The following FOXJ3 variants were observed in gnomAD, a reference collection of about 807,000 sequenced individuals.
The protein encoded by FOXJ3 is forkhead box J3, also known as forkhead box protein J3.
In FOXJ3, 22 loss-of-function variants were observed where a neutral mutation model predicts 76.1. The ratio of observed to expected loss-of-function variants is 0.29; its 90% CI spans 0.21 to 0.41. The LOEUF is 0.41. FOXJ3 is among the 10% of genes least tolerant of loss of function. The probability of loss-of-function intolerance (pLI) is 1.00; values close to 1 mark genes in which losing one functional copy is unlikely to be tolerated. For missense variants in FOXJ3, 613 were observed against 762.1 expected, an observed-to-expected ratio of 0.80 and a Z score of 2.30; for synonymous variants, 269 against 261.2, an observed-to-expected ratio of 1.03 and a Z score of -0.29.
At chr1:42,192,729 T>C (rs1172637104) in intron 8 of FOXJ3, among the ~76,000 whole-genome samples, 1 of 151,834 alleles carries the variant, frequency 6.6e-6, no homozygotes, top group East Asian at 1.9e-4. Context: ...TGCAATGTTA[T>C]GCTGAACCAA....
chr1:42,252,319 C>G (rs1250952229), intron 4 of FOXJ3, among the ~76,000 whole-genome samples: 1 of 152,176 alleles, frequency 6.6e-6, no homozygotes, highest in Non-Finnish European at 1.5e-5. Flanking sequence ...TTGGTCTATT[C>G]AGAGATTCAA....
intron 2 of FOXJ3, among the ~76,000 whole-genome samples, chr1:42,305,351 A>G (rs1654393311): frequency 6.6e-6 from 1 of 152,212 alleles, no homozygotes; most frequent in Non-Finnish European, 1.5e-5. Flanking sequence ...GTTCCTCAAA[A>G]AAAACTAAAA....
intron 5 of FOXJ3, among the ~76,000 whole-genome samples, chr1:42,210,948 T>C (rs1569878279): frequency 6.6e-6 from 1 of 151,104 alleles, no homozygotes; most frequent in African/African-American, 2.4e-5. Context: ...GGGCGGGGAG[T>C]GTACATCATT....
At chr1:42,319,607 G>A (rs188604681) in intron 1 of FOXJ3, among the ~76,000 whole-genome samples, 310 of 152,250 alleles carry the variant, frequency 2.0e-3, no homozygotes, top group Non-Finnish European at 3.3e-3. Context: ...GCACAATCCT[G>A]TGAATATACT....
At chr1:42,201,333 G>T (rs559381815) in intron 6 of FOXJ3, among the ~76,000 whole-genome samples, 4 of 152,298 alleles carry the variant, frequency 2.6e-5, no homozygotes, top group African/African-American at 9.6e-5. Context: ...CAAAGAGAAA[G>T]TTTTCAGTAT....
Position 42,303,079 on chromosome 1 carries a change from C to T in FOXJ3, c.44+7971G>A, listed in dbSNP as rs1039329729. On this transcript the variant is annotated intron_variant, in intron 2 of 12. Transcript: ENST00000361346. Reference sequence around the variant, plus strand: ...TTTTACTTATTTTTTATAGTACCCTCAATTAAGAAGAATATTGTTTGGCAG... The same window carrying T: ...TTTTACTTATTTTTTATAGTACCCTTAATTAAGAAGAATATTGTTTGGCAG... Among the ~76,000 whole-genome samples the T allele has an allele frequency of 2.6e-5, 4 of 151,940 alleles. 1 individual carries two copies. Among genetic ancestry groups the T allele is most frequent in the Admixed American group, 6.6e-5 (1 of 15,246 alleles).
chr1:42,321,327 T>A (rs1035014445), intron 1 of FOXJ3, among the ~76,000 whole-genome samples: 1 of 152,110 alleles, frequency 6.6e-6, no homozygotes, highest in African/African-American at 2.4e-5. Flanking sequence ...AAAAATAATG[T>A]CTAAACACAA....
chr1:42,300,218 A>C (rs1184949099), intron 2 of FOXJ3, among the ~76,000 whole-genome samples: 1 of 152,168 alleles, frequency 6.6e-6, no homozygotes, highest in Non-Finnish European at 1.5e-5. Flanking sequence ...ATAGAGACAG[A>C]GATATAGATA....
Position 42,250,798 on chromosome 1 carries a change from CAAAAAAAAA to C in FOXJ3, c.444+14308_444+14316del, listed in dbSNP as rs61431089. Among the ~76,000 whole-genome samples, 13 of 23,788 alleles carry C rather than the reference CAAAAAAAAA, an allele frequency of 5.5e-4. No homozygotes were observed. The East Asian group carries it at 7.0e-3, about 13-fold the overall frequency. 15.6% of individuals were successfully genotyped at this position (23,788 alleles called of 152,430 possible). A position where few individuals can be genotyped will look rare whatever the true frequency, so the allele number is the denominator to read the frequency against. On this transcript the variant is annotated intron_variant, in intron 4 of 12. Coordinates refer to ENST00000361346, the MANE Select transcript of FOXJ3 (RefSeq NM_014947.5). ...GAGCAACAAGGACAAAACTCCATCT[CAAAAAAAAA>C]AAAAAAAAAAAAAGTCCAGTAATTG... is the stretch of plus-strand genomic sequence containing the variant.
intron 4 of FOXJ3, among the ~76,000 whole-genome samples, chr1:42,241,788 A>G (rs1186014158): frequency 6.6e-6 from 1 of 152,214 alleles, no homozygotes; most frequent in African/African-American, 2.4e-5. Context: ...ACTGTCGGCA[A>G]CCAGCCAAGC....
intron 2 of FOXJ3, 77 bp downstream of exon 2, chr1:42,310,973 C>G (rs1160923080): frequency 1.2e-6 from 1 of 815,122 alleles, no homozygotes; most frequent in East Asian, 2.8e-5. Context: ...CCTTCAAATT[C>G]ATTGTAATAT....
At chr1:42,201,034 G>C (rs895425404) in intron 6 of FOXJ3, among the ~76,000 whole-genome samples, 2 of 151,880 alleles carry the variant, frequency 1.3e-5, no homozygotes, top group South Asian at 4.2e-4. Flanking sequence ...TTTAAGCCAA[G>C]GTATTTGATG....
At chr1:42,282,218 G>T (rs960808866) in intron 2 of FOXJ3, among the ~76,000 whole-genome samples, 8 of 152,040 alleles carry the variant, frequency 5.3e-5, no homozygotes, top group Non-Finnish European at 1.5e-5. Context: ...GAAATGTCAG[G>T]CCCTCATTAC....
At chr1:42,213,318 C>A (rs1169941145) in intron 5 of FOXJ3, among the ~76,000 whole-genome samples, 3 of 152,010 alleles carry the variant, frequency 2.0e-5, no homozygotes, top group African/African-American at 7.3e-5. Context: ...AACCAAGTAT[C>A]TGCTGTCTTC....
In FOXJ3 at chr1:42,248,741, T is replaced by C. The variant is rs866247063; in HGVS notation, c.444+16374A>G. ...GTCTCCTGTTTTTTCTTTTTTTTTTTTTTTTTTTTTTTTTTAAGTTCCAGG... is the reference window on the plus strand; with the variant it reads ...GTCTCCTGTTTTTTCTTTTTTTTTTCTTTTTTTTTTTTTTTAAGTTCCAGG... On this transcript the variant is annotated intron_variant, in intron 4 of 12. Coordinates refer to ENST00000361346, the MANE Select transcript of FOXJ3 (RefSeq NM_014947.5). Among the ~76,000 whole-genome samples, 17 of 147,134 alleles carry C rather than the reference T, an allele frequency of 1.2e-4. 1 individual carries two copies. Among genetic ancestry groups the C allele is most frequent in the African/African-American group, 3.8e-4 (15 of 39,978 alleles).
At chr1:42,256,112 A>C (rs890241397) in intron 4 of FOXJ3, among the ~76,000 whole-genome samples, 46 of 152,380 alleles carry the variant, frequency 3.0e-4, no homozygotes, top group African/African-American at 1.1e-3. Flanking sequence ...AGCAATTTGC[A>C]ATGGGCCTAA....
At chr1:42,308,782 TTC>T (rs1654620676) in intron 2 of FOXJ3, among the ~76,000 whole-genome samples, 1 of 152,136 alleles carries the variant, frequency 6.6e-6, no homozygotes, top group South Asian at 2.1e-4. Flanking sequence ...ACGTTACCTC[TTC>T]TCTTTCATCA....
chr1:42,267,141 C>A (rs1433713242), intron 3 of FOXJ3, among the ~76,000 whole-genome samples: 1 of 152,052 alleles, frequency 6.6e-6, no homozygotes, highest in Non-Finnish European at 1.5e-5. Flanking sequence ...AAACAGCCCA[C>A]CCTAAGTTCG....
chr1:42,186,352 C>T (rs1557617986), intron 11 of FOXJ3, among the ~76,000 whole-genome samples: 3 of 152,112 alleles, frequency 2.0e-5, no homozygotes, highest in African/African-American at 4.8e-5. Flanking sequence ...AACAGCTTGG[C>T]AGGCATGAGT....
Sources: allele counts gnomAD v4.1 joint callset (sites outside exome capture counted in the v4.1 genomes callset), GRCh38; gene constraint gnomAD v4.1.1; transcripts MANE v1.5; gene names NCBI Gene and HGNC (gene_info 2026-07-23, HGNC 2026-07-21).